KDM5D: variants seen among roughly 807,000 people sequenced by gnomAD.
The protein encoded by KDM5D is lysine demethylase 5D.
KDM5D carries 25 observed loss-of-function variants against 31.9 expected under a neutral mutation model. The observed-to-expected ratio is 0.78, with a 90% CI of 0.57 to 1.09. The LOEUF is 1.09. KDM5D is among the 50% of genes least tolerant of loss of function. The pLI is 0.00. For synonymous variants in KDM5D, 146 were observed against 122.3 expected (o/e 1.19, Z -1.28); for missense variants, 366 against 341.6 (o/e 1.07, Z -0.56).
In KDM5D at chrY:19,708,888, A is replaced by G. The variant is rs2045272102; in HGVS notation, c.3068T>C (p.Val1023Ala). The G allele has an allele frequency of 1.0e-5, 4 of 396,131 alleles. No individual in the cohort carries two copies. The highest frequency in any genetic ancestry group is 1.4e-5 in the Non-Finnish European group (4 of 282,404). Residue 1023 changes from valine to alanine, a missense_variant, in exon 21 of 27, where the codon GTG (valine) becomes GCG (alanine). By Grantham distance (64) the Val-to-Ala change is moderately conservative (BLOSUM62 0). Transcript: ENST00000317961. ...ACTGATCCTCACTTGGATCTCATCC[A>G]CATCAGCAATCCAAGCTTGTGCCTT... ...LTKAQAWIADVDEIQNGDHYP... is the reference protein window; with the variant it reads ...LTKAQAWIADADEIQNGDHYP...
At position 19,707,964 on chromosome Y, in the gene KDM5D, A is replaced by G; in HGVS notation, c.3369T>C (p.Ser1123=). The change falls in exon 23 of 27, where the codon TCT becomes TCC. Residue 1123 remains serine, a synonymous_variant. Coordinates refer to ENST00000317961, the MANE Select transcript of KDM5D (RefSeq NM_004653.5). ...YQCDTELLGL[S]AQDLRDPGSV... is the part of the protein sequence containing the mutation. ...AGCCTGGGTCTCTGAGGTCCTGTGC[A>G]GACAGCCCCAGCAGCTCTGTGTCAC... 1 of 397,910 alleles carries G rather than the reference A, an allele frequency of 2.5e-6. No individual in the cohort carries two copies. The highest frequency in any genetic ancestry group is 3.5e-6 in the Non-Finnish European group (1 of 283,170).
At chrY:19,724,431 AATCC>A (rs2045414500) in intron 11 of KDM5D, among the ~76,000 whole-genome samples, 1 of 33,483 alleles carries the variant, frequency 3.0e-5, no homozygotes, top group African/African-American at 1.2e-4. Context: ...CAATAAACAC[AATCC>A]ATCACGTAAG....
chrY:19,737,289 A>G, intron 6 of KDM5D, among the ~76,000 whole-genome samples: 1 of 33,811 alleles, frequency 3.0e-5, no homozygotes. Context: ...TCACTACTAC[A>G]AAGAGTGCAC....
chrY:19,737,769 CT>C (rs2045520161), intron 6 of KDM5D, among the ~76,000 whole-genome samples: 9 of 32,424 alleles, frequency 2.8e-4, no homozygotes, highest in Non-Finnish European at 4.5e-4. Context: ...GAATTTGTAA[CT>C]TTTTTTTTCT....
intron 18 of KDM5D, among the ~76,000 whole-genome samples, chrY:19,712,661 T>C (rs2045307186): frequency 5.8e-5 from 2 of 34,636 alleles, no homozygotes; most frequent in Admixed American, 5.2e-4. Context: ...TCTACGTGTG[T>C]CAGTGCCCTG....
Position 19,706,854 on chromosome Y carries a change from G to T in KDM5D, c.4009C>A (p.Leu1337Met). 5.1e-6 allele frequency: 2 copies of T among 395,908 alleles called. No homozygotes were observed. Among genetic ancestry groups the T allele is most frequent in the African/African-American group, 1.2e-4 (2 of 16,166 alleles). Residue 1337 changes from leucine (L) to methionine (M), a missense_variant, in exon 25 of 27, where the codon CTG (leucine) becomes ATG (methionine). Transcript: ENST00000317961. ...GTCACACTGTCTCCATTCTCCAGCAGCCCTTGGACCTATCGGAAAAAAAGA... is the reference window on the plus strand; with the variant it reads ...GTCACACTGTCTCCATTCTCCAGCATCCCTTGGACCTATCGGAAAAAAAGA... ...SGNNISKVQG[L>M]LENGDSVTSP... is the part of the protein sequence containing the mutation.
rs1429902112 is a variant in KDM5D at position 19,715,927 on chromosome Y, C to T, written c.2109G>A (p.Thr703=). 1 of 396,530 alleles carries T rather than the reference C, an allele frequency of 2.5e-6. No individual in the cohort carries two copies. The highest frequency in any genetic ancestry group is 6.4e-5 in the African/African-American group (1 of 15,599). The change falls in exon 16 of 27, where the codon ACG becomes ACA. Residue 703 remains threonine, a synonymous_variant. Coordinates refer to ENST00000317961, the MANE Select transcript of KDM5D (RefSeq NM_004653.5). ...DERQCIKCKT[T]CFLSALACYD... is the part of the protein sequence containing the mutation. ...AGCAGGCCAGGGCTGACAAGAAGCA[C>T]GTGGTCTTGCACTTGATGCACTGGC...
intron 25 of KDM5D, 37 bp downstream of exon 25, chrY:19,706,757 T>A: frequency 8.0e-6 from 3 of 375,640 alleles, no homozygotes; most frequent in Non-Finnish European, 1.1e-5. Flanking sequence ...CTCAGTTATG[T>A]TTAGCCAACA....
At chrY:19,719,454 A>C in intron 13 of KDM5D, among the ~76,000 whole-genome samples, 1 of 33,594 alleles carries the variant, frequency 3.0e-5, no homozygotes, top group African/African-American at 1.2e-4. Flanking sequence ...AGGAGCTTTG[A>C]GCAGGCAGAA....
At chrY:19,743,125 C>A in intron 3 of KDM5D, 37 bp downstream of exon 3, 1 of 280,721 alleles carries the variant, frequency 3.6e-6, no homozygotes, top group African/African-American at 7.0e-5. Context: ...GATTAAAGAT[C>A]AGATTCCTTT....
At chrY:19,706,932 C>A in intron 24 of KDM5D, 69 bp from the exon 25 acceptor site, 1 of 301,303 alleles carries the variant, frequency 3.3e-6, no homozygotes, top group Non-Finnish European at 5.1e-6. Flanking sequence ...CCTCCCACAA[C>A]TCCAAAACTT....
intron 11 of KDM5D, among the ~76,000 whole-genome samples, chrY:19,728,116 A>C: frequency 3.0e-5 from 1 of 32,869 alleles, no homozygotes; most frequent in African/African-American, 1.2e-4. Flanking sequence ...ATTAAGTAAA[A>C]AGTCACATTC....
intron 4 of KDM5D, 115 bp downstream of exon 4, chrY:19,741,620 G>A (rs1021307023): frequency 1.6e-4 from 39 of 247,525 alleles, no homozygotes; most frequent in Non-Finnish European, 2.5e-4. Flanking sequence ...CAAAGATTAC[G>A]TCAAGAAACG....
chrY:19,721,542 TA>T, intron 11 of KDM5D: 1 of 102,598 alleles, frequency 9.7e-6, no homozygotes, highest in Non-Finnish European at 1.8e-5. Context: ...GAAAAGAAAT[TA>T]AAAAAACATT....
intron 8 of KDM5D, among the ~76,000 whole-genome samples, chrY:19,734,916 T>C (rs2045497256): frequency 3.2e-5 from 1 of 31,576 alleles, no homozygotes; most frequent in African/African-American, 1.2e-4. Flanking sequence ...GTAGAAAGAA[T>C]AAAAGAAGAT....
At position 19,706,356 on chromosome Y, in the gene KDM5D, AC is replaced by A; in HGVS notation, c.4270-12del. 2.6e-6 allele frequency: 1 copy of A among 386,840 alleles called. No individual in the cohort carries two copies. ...TTCAAATTTTTCCAGCTGCAATCAT[AC>A]CCACACAAGGCGAAAAACGTCAGTA... is the stretch of plus-strand genomic sequence containing the variant. On this transcript the variant is annotated splice_polypyrimidine_tract_variant and intron_variant, in intron 26 of 26. Transcript: ENST00000317961.
In KDM5D at chrY:19,741,765, C is replaced by T. The variant is rs771351647; in HGVS notation, c.321G>A (p.Arg107=). 2.6e-6 allele frequency: 1 copy of T among 391,381 alleles called. No individual in the cohort carries two copies. The highest frequency in any genetic ancestry group is 3.0e-5 in the South Asian group (1 of 33,559). ...GSSLKIPNVE[R]KILDLYSLSK... is the part of the protein sequence containing the mutation. ...TAAGGCTGTAGAGGTCCAAGATCTTCCGCTCCACATTGGGAATCTTTAAAG... is the reference window on the plus strand; with the variant it reads ...TAAGGCTGTAGAGGTCCAAGATCTTTCGCTCCACATTGGGAATCTTTAAAG... Residue 107 remains arginine (R), a synonymous_variant, in exon 4 of 27, where the codon CGG becomes CGA. Transcript: ENST00000317961.
In KDM5D at chrY:19,709,018, A is replaced by AT. The variant is rs779355766; in HGVS notation, c.2943-6dup. On this transcript the variant is annotated splice_polypyrimidine_tract_variant and splice_region_variant and intron_variant, in intron 20 of 26. Transcript: ENST00000317961. ...GTGGCTGGTGGATGCTTCTGCCTAA[A>AT]TTTTTTTTGAAAAAGAGAAATCTAT... 2.6e-6 allele frequency: 1 copy of AT among 391,226 alleles called. No individual in the cohort carries two copies.
At chrY:19,725,572 T>C (rs1603545898) in intron 11 of KDM5D, among the ~76,000 whole-genome samples, 5 of 33,655 alleles carry the variant, frequency 1.5e-4, no homozygotes, top group African/African-American at 3.5e-4. Flanking sequence ...GAATTAAACA[T>C]GAGACCTAAA....
Sources: allele counts gnomAD v4.1 joint callset (sites outside exome capture counted in the v4.1 genomes callset), GRCh38; gene constraint gnomAD v4.1.1; transcripts MANE v1.5; gene names NCBI Gene and HGNC (gene_info 2026-07-23, HGNC 2026-07-21).